The following DUSP16 variants were observed in gnomAD, a reference collection of about 807,000 sequenced individuals.
DUSP16 encodes the protein dual specificity phosphatase 16, also known as dual specificity protein phosphatase 16.
DUSP16 carries 21 observed loss-of-function variants against 58.3 expected under a neutral mutation model. That is an observed-to-expected ratio of 0.36 (90% CI 0.26 to 0.52). DUSP16 has a LOEUF of 0.52. DUSP16 is among the 20% of genes least tolerant of loss of function. DUSP16 has a pLI of 0.94. For synonymous variants in DUSP16, 320 were observed against 323.8 expected (o/e 0.99, Z 0.12); for missense variants, 726 against 819.0 (o/e 0.89, Z 1.39).
chr12:12,533,297 A>G (rs902182832), intron 1 of DUSP16, among the ~76,000 whole-genome samples: 1 of 152,260 alleles, frequency 6.6e-6, no homozygotes, highest in Non-Finnish European at 1.5e-5. Context: ...CACAAATGCA[A>G]CGCAAGATGA....
rs200584145 is a variant in DUSP16 at position 12,483,400 on chromosome 12, C to CT, written c.692-3055dup. On this transcript the variant is annotated intron_variant, in intron 5 of 6. Coordinates refer to ENST00000298573, the MANE Select transcript of DUSP16 (RefSeq NM_030640.3). ...TTTATCTTTTTGGTTTACTTTTTTT[C>CT]TTTTTTTTTCATTTTACATTATCTA... is the stretch of plus-strand genomic sequence containing the variant. Among the ~76,000 whole-genome samples the CT allele has an allele frequency of 2.3e-3, 341 of 150,260 alleles. 2 individuals carry two copies. The Middle Eastern group carries it at 0.024, about 10-fold the overall frequency.
Position 12,498,430 on chromosome 12 carries a change from T to TTTATTTA in DUSP16, c.531+2088_531+2089insTAAATAA, listed in dbSNP as rs1268812411. ...TATTTATTTATTTATTTATTTATTT[T>TTTATTTA]TTGAGATAGGGCTTTGCTCTGTCAC... On this transcript the variant is annotated intron_variant, in intron 4 of 6. Coordinates refer to ENST00000298573, the MANE Select transcript of DUSP16 (RefSeq NM_030640.3). Among the ~76,000 whole-genome samples, 450 of 106,264 alleles carry TTTATTTA rather than the reference T, an allele frequency of 4.2e-3. 4 individuals are homozygous for TTTATTTA. The East Asian group carries it at 0.08, about 19-fold the overall frequency. The allele number at this position is 106,264 out of a possible 152,430, so 69.7% of individuals were successfully genotyped here.
rs774623822 is a variant in DUSP16 at position 12,559,723 on chromosome 12, T to C, written c.-366+2394A>G. 4.2e-4 allele frequency among the ~76,000 whole-genome samples: 64 copies of C among 152,318 alleles called. 1 individual carries two copies. The highest frequency in any genetic ancestry group is 3.3e-4 in the Admixed American group (5 of 15,292). ...GCTTCATCAATATATTAATCCCATA[T>C]GCTAAACACTGTATGAAATTAAATT... On this transcript the variant is annotated intron_variant, in intron 1 of 6. Coordinates refer to ENST00000298573, the MANE Select transcript of DUSP16 (RefSeq NM_030640.3).
chr12:12,495,000 A>G (rs1943809214), intron 4 of DUSP16, among the ~76,000 whole-genome samples: 2 of 152,148 alleles, frequency 1.3e-5, no homozygotes, highest in African/African-American at 4.8e-5. Flanking sequence ...AGCCCAGCGC[A>G]TTACCACTCA....
At chr12:12,560,196 T>C (rs929269981) in intron 1 of DUSP16, among the ~76,000 whole-genome samples, 21 of 152,106 alleles carry the variant, frequency 1.4e-4, no homozygotes, top group Admixed American at 9.2e-4. Context: ...AAATGAGATA[T>C]TGTACTTTGA....
chr12:12,551,425 T>G (rs891137112), intron 1 of DUSP16, among the ~76,000 whole-genome samples: 2 of 147,148 alleles, frequency 1.4e-5, no homozygotes, highest in Admixed American at 6.9e-5. Flanking sequence ...ATCACACCAC[T>G]GTACTCTAGC....
In DUSP16 at chr12:12,483,761, G is replaced by A. The variant is rs79168297; in HGVS notation, c.691+3267C>T. ...GCACAAACGGGCAAACTCTGTTACT[G>A]GCACATTAACTAAAAGACAAAACTC... is the stretch of plus-strand genomic sequence containing the variant. On this transcript the variant is annotated intron_variant, in intron 5 of 6. Transcript: ENST00000298573. Among the ~76,000 whole-genome samples, 815 of 152,074 alleles carry A rather than the reference G, an allele frequency of 5.4e-3. 10 individuals carry two copies. The highest frequency in any genetic ancestry group is 0.018 in the African/African-American group (743 of 41,460).
intron 3 of DUSP16, among the ~76,000 whole-genome samples, chr12:12,507,405 A>C (rs1944012631): frequency 6.6e-6 from 1 of 152,198 alleles, no homozygotes; most frequent in African/African-American, 2.4e-5. Context: ...GCCTTCAAGG[A>C]AGGCAGAATC....
intron 1 of DUSP16, among the ~76,000 whole-genome samples, chr12:12,527,925 A>C (rs1447184320): frequency 1.3e-5 from 2 of 152,196 alleles, no homozygotes; most frequent in African/African-American, 2.4e-5. Flanking sequence ...TAAAGGCTGG[A>C]ATAGCAGTCA....
chr12:12,541,792 T>C (rs1450101950), intron 1 of DUSP16, among the ~76,000 whole-genome samples: 2 of 151,524 alleles, frequency 1.3e-5, no homozygotes, highest in Non-Finnish European at 2.9e-5. Flanking sequence ...TGTATGCACA[T>C]GTAACAAACC....
chr12:12,507,735 G>A (rs1228090874), intron 3 of DUSP16, among the ~76,000 whole-genome samples: 2 of 152,142 alleles, frequency 1.3e-5, no homozygotes, highest in African/African-American at 2.4e-5. Context: ...TCAGCCTCCC[G>A]AGTAGCTGGG....
intron 3 of DUSP16, among the ~76,000 whole-genome samples, chr12:12,514,596 G>A (rs895588534): frequency 1.6e-4 from 25 of 152,236 alleles, no homozygotes; most frequent in African/African-American, 6.0e-4. Flanking sequence ...ATCTGCAGGA[G>A]AAAAAACAAG....
intron 1 of DUSP16, among the ~76,000 whole-genome samples, chr12:12,554,196 CA>C (rs59499569): frequency 0.025 from 1,683 of 66,140 alleles, 13 homozygotes; most frequent in African/African-American, 0.077. Flanking sequence ...AACTGGGTCT[CA>C]AAAAAAAAAA....
chr12:12,490,478 C>T (rs1364095854), intron 4 of DUSP16, among the ~76,000 whole-genome samples: 1 of 151,974 alleles, frequency 6.6e-6, no homozygotes. Flanking sequence ...AAATAAGTGC[C>T]TTCTTATCTG....
intron 1 of DUSP16, among the ~76,000 whole-genome samples, chr12:12,530,452 A>G (rs931947733): frequency 2.0e-5 from 3 of 152,166 alleles, no homozygotes; most frequent in African/African-American, 4.8e-5. Flanking sequence ...CCCATTCTGT[A>G]GGTTGTCTCT....
chr12:12,541,073 C>T (rs562807526), intron 1 of DUSP16, among the ~76,000 whole-genome samples: 2 of 151,206 alleles, frequency 1.3e-5, no homozygotes, highest in African/African-American at 4.9e-5. Context: ...ATCCCCCCAG[C>T]TCAGCCTCCC....
chr12:12,480,136 G>C, intron 6 of DUSP16, 87 bp downstream of exon 6: 4 of 1,509,622 alleles, frequency 2.6e-6, no homozygotes, highest in Non-Finnish European at 3.6e-6. Context: ...ATCATGATCT[G>C]CTTTAATTTG....
At chr12:12,493,672 TG>T (rs1402337243) in intron 4 of DUSP16, among the ~76,000 whole-genome samples, 1 of 152,226 alleles carries the variant, frequency 6.6e-6, no homozygotes, top group Non-Finnish European at 1.5e-5. Flanking sequence ...ACATGTGCTT[TG>T]CCTTGGTGGC....
At chr12:12,517,194 A>G (rs1325445549) in intron 3 of DUSP16, among the ~76,000 whole-genome samples, 1 of 152,228 alleles carries the variant, frequency 6.6e-6, no homozygotes, top group Non-Finnish European at 1.5e-5. Context: ...ACCATCTCAC[A>G]TATCTGATGC....
Sources: gnomAD v4.1 joint callset for allele counts (sites outside exome capture counted in the v4.1 genomes callset) on GRCh38, gnomAD v4.1.1 for gene constraint, MANE v1.5 for transcripts, NCBI Gene and HGNC (gene_info 2026-07-23, HGNC 2026-07-21) for gene names.